Variants in VPS53 observed in about 807,000 individuals in gnomAD.
VPS53 encodes VPS53 subunit of GARP complex.
Under a neutral mutation model 107.0 loss-of-function variants are expected in VPS53, and 70 were observed. The observed-to-expected ratio is 0.65, with a 90% CI of 0.54 to 0.80. VPS53 has a LOEUF of 0.80. Among genes scored for constraint, VPS53 ranks in the 30% least tolerant of loss-of-function variants. The pLI, the probability that VPS53 is intolerant of heterozygous loss-of-function variation, is 0.00. For missense variants in VPS53, 917 were observed against 1,049.4 expected (o/e 0.87, Z 1.74); for synonymous variants, 409 against 393.3 (o/e 1.04, Z -0.47).
At chr17:556,876 C>T (rs535636583) in intron 15 of VPS53, among the ~76,000 whole-genome samples, 2 of 30,578 alleles carry the variant, frequency 6.5e-5, no homozygotes, top group Non-Finnish European at 1.5e-4. Context: ...AAGGGAGCTA[C>T]CTACTGAAGG....
At chr17:536,894 A>G (rs190462213) in intron 18 of VPS53, 134 bp downstream of exon 18, 1 of 1,122,910 alleles carries the variant, frequency 8.9e-7, no homozygotes, top group Non-Finnish European at 1.3e-6. Context: ...AAGACTGTGC[A>G]TGTTGGGGGG....
At chr17:553,567 C>T (rs1912063320) in intron 15 of VPS53, 105 bp from the exon 16 acceptor site, 1 of 826,648 alleles carries the variant, frequency 1.2e-6, no homozygotes, top group African/African-American at 1.8e-5. Flanking sequence ...AGGCATAATT[C>T]CATACACTTT....
chr17:628,348 C>A, intron 8 of VPS53, 117 bp from the exon 9 acceptor site: 2 of 1,225,626 alleles, frequency 1.6e-6, no homozygotes, highest in Non-Finnish European at 1.1e-6. Context: ...TGCTCCTTCA[C>A]ACTCATTCTT....
chr17:527,027 G>C (rs1257661102), intron 19 of VPS53, among the ~76,000 whole-genome samples: 1 of 152,226 alleles, frequency 6.6e-6, no homozygotes, highest in Non-Finnish European at 1.5e-5. Context: ...GTGGACACAT[G>C]TTCTATTTCT....
intron 18 of VPS53, 182 bp downstream of exon 18, chr17:536,846 A>C: frequency 1.4e-6 from 1 of 689,716 alleles, no homozygotes; most frequent in Non-Finnish European, 2.4e-6. Flanking sequence ...ACTGTAACGA[A>C]TGTGCCACTT....
intron 13 of VPS53, among the ~76,000 whole-genome samples, chr17:581,629 C>T (rs1329678669): frequency 6.6e-6 from 1 of 152,024 alleles, no homozygotes; most frequent in Non-Finnish European, 1.5e-5. Flanking sequence ...CAGAGAACCT[C>T]CCTAAGGACG....
At position 627,289 on chromosome 17, in the gene VPS53, G is replaced by A. The variant is rs1969755274; in HGVS notation, c.859C>T (p.Arg287Cys). 1.2e-6 allele frequency: 2 copies of A among 1,613,818 alleles called. No individual in the cohort carries two copies. The highest frequency in any genetic ancestry group is 1.7e-6 in the Non-Finnish European group (2 of 1,179,930). The stretch of plus-strand genomic sequence containing the variant: ...AGCTGGCGTTTTATCCAGGCATAGC[G>A]TCTGTCGATTTTGTCCAGCCAGGCA... ...DVAWLDKIDR[R>C]YAWIKRQLVD... The change falls in exon 10 of 22, where the codon CGC becomes TGC. Residue 287 changes from arginine (R) to cysteine (C), a missense_variant. Physicochemically the swap from Arg to Cys is radical, Grantham distance 180. Coordinates refer to ENST00000437048, the MANE Select transcript of VPS53 (RefSeq NM_001128159.3).
At chr17:644,132 G>A (rs1970584815) in intron 7 of VPS53, among the ~76,000 whole-genome samples, 1 of 152,214 alleles carries the variant, frequency 6.6e-6, no homozygotes. Context: ...GATTTGAAAT[G>A]TAAAGATGCT....
At chr17:589,287 A>T (rs1048325614) in intron 12 of VPS53, among the ~76,000 whole-genome samples, 1 of 151,988 alleles carries the variant, frequency 6.6e-6, no homozygotes, top group Non-Finnish European at 1.5e-5. Context: ...TACTTTCCCA[A>T]CTACTGACAA....
At chr17:712,959 G>C (rs1349193781) in intron 1 of VPS53, among the ~76,000 whole-genome samples, 1 of 152,070 alleles carries the variant, frequency 6.6e-6, no homozygotes, top group Non-Finnish European at 1.5e-5. Context: ...CCGTGTGGCC[G>C]GAACACTAAA....
chr17:624,904 T>C (rs556266042), intron 10 of VPS53, among the ~76,000 whole-genome samples: 30 of 152,160 alleles, frequency 2.0e-4, no homozygotes, highest in African/African-American at 6.7e-4. Context: ...TTTTTTTTTC[T>C]TCCTCTTTCT....
At chr17:556,470 C>T (rs2151844356) in intron 15 of VPS53, among the ~76,000 whole-genome samples, 1 of 152,200 alleles carries the variant, frequency 6.6e-6, no homozygotes, top group African/African-American at 2.4e-5. Flanking sequence ...GTAAAAGTAT[C>T]CTTAAAAGTG....
Position 585,577 on chromosome 17 carries a change from G to A in VPS53, c.1313+693C>T, listed in dbSNP as rs185701105. Among the ~76,000 whole-genome samples the A allele has an allele frequency of 1.7e-3, 260 of 152,274 alleles. 1 individual carries two copies. The highest frequency in any genetic ancestry group is 5.3e-3 in the African/African-American group (221 of 41,540). ...GGATTGCTTGAGCCCAGGAGATGGA[G>A]GATGCAGTAAGTCATAATCTCACCA... is the stretch of plus-strand genomic sequence containing the variant. On this transcript the variant is annotated intron_variant, in intron 13 of 21. Transcript: ENST00000437048.
In VPS53 at chr17:553,471, A is replaced by G. The variant is rs937252413; in HGVS notation, c.1705-9T>C. ...TTGAGTTTTTCTTCTAGCTGTTGAA[A>G]AACAGAAGAAATGGATGCACGGTTA... On this transcript the variant is annotated splice_polypyrimidine_tract_variant and intron_variant, in intron 15 of 21. Transcript: ENST00000437048. 1.9e-5 allele frequency: 30 copies of G among 1,605,040 alleles called. No homozygotes were observed. The highest frequency in any genetic ancestry group is 2.6e-5 in the Non-Finnish European group (30 of 1,172,442).
rs7225041 is a variant in VPS53, at chr17:601,987, G to C, written c.1117-91C>G. On this transcript the variant is annotated intron_variant, in intron 11 of 21. Transcript: ENST00000437048. ...TGCTTTTTCTAGGTGTCTCCAACAA[G>C]GAAGTCATGCACGCTATCTGATAAA... 0.32 allele frequency: 303,713 copies of C among 951,592 alleles called. 51,118 individuals are homozygous for C. Among genetic ancestry groups the C allele is most frequent in the East Asian group, 0.65 (22,750 of 35,030 alleles). The allele number at this position is 951,592 out of a possible 1,614,324, so 58.9% of individuals were successfully genotyped here.
intron 7 of VPS53, 183 bp downstream of exon 7, chr17:653,108 C>T (rs911348509): frequency 1.0e-6 from 1 of 984,928 alleles, no homozygotes; most frequent in African/African-American, 1.8e-5. Context: ...GACAGTTTAC[C>T]TTTCGGAAAG....
At chr17:590,816 C>T (rs62056462) in intron 12 of VPS53, among the ~76,000 whole-genome samples, 1 of 148,800 alleles carries the variant, frequency 6.7e-6, no homozygotes, top group African/African-American at 2.5e-5. Context: ...CAATGTTCAT[C>T]AAGGATATTG....
intron 7 of VPS53, among the ~76,000 whole-genome samples, chr17:640,076 T>A (rs186188899): frequency 7.2e-5 from 11 of 152,334 alleles, no homozygotes; most frequent in African/African-American, 2.6e-4. Context: ...CCACTTTGTT[T>A]ACCTGCTCAA....
chr17:713,884 A>ACCC (rs1421779846), intron 1 of VPS53, among the ~76,000 whole-genome samples: 2 of 149,084 alleles, frequency 1.3e-5, no homozygotes, highest in Non-Finnish European at 1.5e-5. Context: ...TTACCCCAAA[A>ACCC]AAAAAAAAAA....
Sources: gnomAD v4.1 joint callset for allele counts (sites outside exome capture counted in the v4.1 genomes callset) on GRCh38, gnomAD v4.1.1 for gene constraint, MANE v1.5 for transcripts, NCBI Gene and HGNC (gene_info 2026-07-23, HGNC 2026-07-21) for gene names.